Variants in OPCML observed in about 807,000 individuals in gnomAD.
The protein encoded by OPCML is opioid binding protein/cell adhesion molecule like.
A neutral mutation model predicts 37.8 loss-of-function variants in OPCML; 13 were observed. That is an observed-to-expected ratio of 0.34 (90% confidence interval 0.22 to 0.55). The LOEUF is 0.55. Among genes scored for constraint, OPCML ranks in the 20% least tolerant of loss-of-function variants. The pLI is 0.91. For synonymous variants in OPCML, 176 were observed against 168.8 expected (o/e 1.04, Z -0.33); for missense variants, 341 against 435.6 (o/e 0.78, Z 1.93).
intron 2 of OPCML, among the ~76,000 whole-genome samples, chr11:132,924,452 T>A (rs554120914): frequency 6.6e-6 from 1 of 152,344 alleles, no homozygotes; most frequent in Non-Finnish European, 1.5e-5. Flanking sequence ...TGAAGAACTT[T>A]TAACATTTCT....
intron 3 of OPCML, among the ~76,000 whole-genome samples, chr11:132,581,654 G>C (rs1010559111): frequency 1.3e-5 from 2 of 152,160 alleles, no homozygotes; most frequent in Non-Finnish European, 2.9e-5. Flanking sequence ...CCTGAAAATG[G>C]ACTTAAAAAA....
At chr11:132,452,431 G>T (rs1478639800) in intron 4 of OPCML, among the ~76,000 whole-genome samples, 2 of 152,162 alleles carry the variant, frequency 1.3e-5, no homozygotes, top group East Asian at 3.9e-4. Context: ...ACCTCACACT[G>T]GGTGACGATG....
chr11:133,446,457 C>T (rs189260190), intron 1 of OPCML, among the ~76,000 whole-genome samples: 2 of 152,212 alleles, frequency 1.3e-5, no homozygotes, highest in East Asian at 3.9e-4. Flanking sequence ...CAGGGTCTTG[C>T]TCTGCTGCCT....
At chr11:132,773,897 G>C (rs906558712) in intron 2 of OPCML, among the ~76,000 whole-genome samples, 1 of 152,072 alleles carries the variant, frequency 6.6e-6, no homozygotes, top group African/African-American at 2.4e-5. Flanking sequence ...ATCACCACAG[G>C]CGCTCTGAAA....
intron 1 of OPCML, among the ~76,000 whole-genome samples, chr11:133,218,812 T>G (rs927077225): frequency 1.1e-4 from 16 of 152,136 alleles, no homozygotes; most frequent in Non-Finnish European, 1.9e-4. Flanking sequence ...GTCTTTGGAA[T>G]TGGCACTCAT....
At chr11:132,675,969 A>G (rs1382124276) in intron 2 of OPCML, among the ~76,000 whole-genome samples, 2 of 152,104 alleles carry the variant, frequency 1.3e-5, no homozygotes, top group Admixed American at 6.5e-5. Context: ...AATCCAAGGG[A>G]CTCAGAACAG....
At chr11:133,311,989 C>A (rs551482991) in intron 1 of OPCML, among the ~76,000 whole-genome samples, 66 of 152,220 alleles carry the variant, frequency 4.3e-4, no homozygotes, top group Non-Finnish European at 7.8e-4. Flanking sequence ...CACTCTGCTG[C>A]AGAATGAGTC....
rs138148140 is a variant in OPCML, at chr11:133,091,022, C to T, written c.62-148012G>A. On this transcript the variant is annotated intron_variant, in intron 1 of 7. Transcript: ENST00000524381. The stretch of plus-strand genomic sequence containing the variant: ...GGTAGAATAGTTTCAAAGGAGAAGC[C>T]CAGGGCACCTGTGGGACCTCAAACC... 1.9e-3 allele frequency among the ~76,000 whole-genome samples: 284 copies of T among 152,218 alleles called. 1 individual carries two copies. Among genetic ancestry groups the T allele is most frequent in the Non-Finnish European group, 3.1e-3 (211 of 68,008 alleles).
intron 4 of OPCML, among the ~76,000 whole-genome samples, chr11:132,509,917 C>A (rs1591482540): frequency 6.6e-6 from 1 of 152,096 alleles, no homozygotes; most frequent in Admixed American, 6.5e-5. Flanking sequence ...CTTCAGACTG[C>A]AGAATGGTAG....
At chr11:133,087,579 C>G (rs929968684) in intron 1 of OPCML, among the ~76,000 whole-genome samples, 1 of 152,242 alleles carries the variant, frequency 6.6e-6, no homozygotes, top group Non-Finnish European at 1.5e-5. Context: ...TTAACCTGCT[C>G]TGCTTCACAG....
intron 1 of OPCML, among the ~76,000 whole-genome samples, chr11:133,119,235 T>A (rs535553822): frequency 2.7e-4 from 41 of 152,016 alleles, no homozygotes; most frequent in African/African-American, 9.9e-4. Context: ...GCACAGCTCC[T>A]CCTCAGATTC....
intron 1 of OPCML, among the ~76,000 whole-genome samples, chr11:133,520,962 G>T (rs904473021): frequency 3.3e-5 from 5 of 152,128 alleles, no homozygotes; most frequent in Admixed American, 2.6e-4. Context: ...CCCTGGATAG[G>T]CCTCCTGCTC....
In OPCML at chr11:132,786,809, A is replaced by C. The variant is rs1340941422; in HGVS notation, c.147-129490T>G. ...TAAGTATTGCTTATCTTTCTTCAAA[A>C]GTGACTCCCCACCACTTAGAGTTAC... On this transcript the variant is annotated intron_variant, in intron 2 of 7. Transcript: ENST00000524381. Among the ~76,000 whole-genome samples, 8 of 152,184 alleles carry C rather than the reference A, an allele frequency of 5.3e-5. No individual in the cohort carries two copies. The South Asian group carries it at 1.7e-3, about 32-fold the overall frequency.
At chr11:132,996,068 C>A (rs904385574) in intron 1 of OPCML, among the ~76,000 whole-genome samples, 1 of 152,138 alleles carries the variant, frequency 6.6e-6, no homozygotes, top group Non-Finnish European at 1.5e-5. Context: ...CTCCCTGCTG[C>A]CTAGGGAGCA....
At chr11:133,110,289 G>C (rs1747811361) in intron 1 of OPCML, among the ~76,000 whole-genome samples, 1 of 152,146 alleles carries the variant, frequency 6.6e-6, no homozygotes, top group African/African-American at 2.4e-5. Flanking sequence ...CTTAATAGTG[G>C]TGACTATGGC....
chr11:132,433,407 G>T (rs2096003800), intron 7 of OPCML, among the ~76,000 whole-genome samples: 1 of 152,190 alleles, frequency 6.6e-6, no homozygotes, highest in Non-Finnish European at 1.5e-5. Flanking sequence ...ACATCTAAAT[G>T]TAGCATTTAT....
chr11:132,425,727 T>A (rs959164010), intron 7 of OPCML, among the ~76,000 whole-genome samples: 6 of 152,214 alleles, frequency 3.9e-5, no homozygotes, highest in African/African-American at 1.4e-4. Flanking sequence ...GAAAGCAAGC[T>A]TGGCTCTGGC....
intron 2 of OPCML, among the ~76,000 whole-genome samples, chr11:132,932,859 T>C (rs1945254842): frequency 6.6e-6 from 1 of 151,976 alleles, no homozygotes. Flanking sequence ...TGGATATCTA[T>C]TCCTTATTTT....
At chr11:133,473,629 G>T (rs896693766) in intron 1 of OPCML, among the ~76,000 whole-genome samples, 3 of 152,122 alleles carry the variant, frequency 2.0e-5, no homozygotes, top group African/African-American at 7.2e-5. Context: ...AGATCTCTAT[G>T]CATAATCTTC....
Sources: allele counts gnomAD v4.1 joint callset (sites outside exome capture counted in the v4.1 genomes callset), GRCh38; gene constraint gnomAD v4.1.1; transcripts MANE v1.5; gene names NCBI Gene and HGNC (gene_info 2026-07-23, HGNC 2026-07-21).